NRDE2: variants seen among roughly 807,000 people sequenced by gnomAD.
NRDE2 encodes NRDE-2, necessary for RNA interference, domain containing, also known as nuclear exosome regulator NRDE2.
In NRDE2, 76 loss-of-function variants were observed where a neutral mutation model predicts 124.2. The observed-to-expected ratio is 0.61, with a 90% CI of 0.51 to 0.74. The LOEUF (loss-of-function observed/expected upper bound fraction) is 0.74, where lower values mean the gene tolerates loss of function less well. NRDE2 is among the 30% of genes least tolerant of loss of function. NRDE2 has a pLI of 0.00. For missense variants in NRDE2, 1,314 were observed against 1,417.3 expected (o/e 0.93, Z 1.17); for synonymous variants, 489 against 528.1 (o/e 0.93, Z 1.01).
intron 3 of NRDE2, among the ~76,000 whole-genome samples, chr14:90,316,217 AAAG>A (rs1401275171): frequency 4.6e-5 from 7 of 152,180 alleles, no homozygotes; most frequent in African/African-American, 1.2e-4. Flanking sequence ...CAAGGCAGAG[AAAG>A]AAGATGTTTC....
chr14:90,306,878 G>A (rs2139695028), intron 4 of NRDE2, among the ~76,000 whole-genome samples: 1 of 151,544 alleles, frequency 6.6e-6, no homozygotes, highest in Non-Finnish European at 1.5e-5. Context: ...CAAACTTTAA[G>A]TTAAAAAGCT....
chr14:90,289,279 A>G lies in NRDE2; in HGVS notation c.2230-134T>C, dbSNP rs191207596. On this transcript the variant is annotated intron_variant, in intron 10 of 13. Transcript: ENST00000354366. ...TTTATCACGGGTCTGGTAAACACTGAGGCTCTCTGAGCTGGAAAAGAAATA... is the reference window on the plus strand; with the variant it reads ...TTTATCACGGGTCTGGTAAACACTGGGGCTCTCTGAGCTGGAAAAGAAATA... 55 of 686,640 alleles carry G rather than the reference A, an allele frequency of 8.0e-5. 1 individual carries two copies. The East Asian group carries it at 1.3e-3, about 17-fold the overall frequency. 42.5% of individuals were successfully genotyped at this position (686,640 alleles called of 1,614,324 possible).
At position 90,308,115 on chromosome 14, in the gene NRDE2, T is replaced by C. The variant is rs538124917; in HGVS notation, c.558-3733A>G. 2.0e-5 allele frequency among the ~76,000 whole-genome samples: 3 copies of C among 152,318 alleles called. No individual in the cohort carries two copies. The South Asian group carries it at 6.2e-4, about 32-fold the overall frequency. On this transcript the variant is annotated intron_variant, in intron 4 of 13. Coordinates refer to ENST00000354366, the MANE Select transcript of NRDE2 (RefSeq NM_017970.4). Reference sequence around the variant, plus strand: ...GTAAGGGTTAGATAAGTTTAAATTATTATTTTTATCAAAGTTGGCTCCTAA... The same window carrying C: ...GTAAGGGTTAGATAAGTTTAAATTACTATTTTTATCAAAGTTGGCTCCTAA...
Position 90,290,303 on chromosome 14 carries a change from A to G in NRDE2, c.2147T>C (p.Val716Ala). The change falls in exon 10 of 14, where the codon GTC becomes GCC. Residue 716 changes from valine (V) to alanine (A), a missense_variant. Val to Ala is a moderately conservative substitution (Grantham distance 64). Coordinates refer to ENST00000354366, the MANE Select transcript of NRDE2 (RefSeq NM_017970.4). The part of the protein sequence containing the change: ...NREGEEFIRN[V>A]FHLVMPLFSG... Reference sequence around the variant, plus strand: ...AAATAAAGGCATGACAAGGTGGAAGACATTGCGGATGAACTCCTCGCCCTC... The same window carrying G: ...AAATAAAGGCATGACAAGGTGGAAGGCATTGCGGATGAACTCCTCGCCCTC... 2 of 1,614,118 alleles carry G rather than the reference A, an allele frequency of 1.2e-6. No individual in the cohort carries two copies. The highest frequency in any genetic ancestry group is 1.7e-6 in the Non-Finnish European group (2 of 1,180,038).
chr14:90,283,837 G>T (rs556345280), intron 12 of NRDE2, among the ~76,000 whole-genome samples: 1 of 150,990 alleles, frequency 6.6e-6, no homozygotes, highest in Non-Finnish European at 1.5e-5. Context: ...TCAGCCTCCC[G>T]AGTAGCTGGG....
intron 1 of NRDE2, among the ~76,000 whole-genome samples, chr14:90,322,876 G>C (rs1452712875): frequency 6.6e-6 from 1 of 152,188 alleles, no homozygotes; most frequent in Non-Finnish European, 1.5e-5. Flanking sequence ...TTACATACTT[G>C]ATAGATATAA....
Position 90,288,412 on chromosome 14 carries a change from G to A in NRDE2, c.2963C>T (p.Ser988Leu), listed in dbSNP as rs201095043. The A allele has an allele frequency of 1.3e-4, 209 of 1,614,056 alleles. No individual in the cohort carries two copies. The highest frequency in any genetic ancestry group is 1.6e-4 in the Non-Finnish European group (193 of 1,180,048). The change falls in exon 11 of 14, where the codon TCA (serine) becomes TTA (leucine). Residue 988 changes from serine (S) to leucine (L), a missense_variant. By Grantham distance (145) the Ser-to-Leu change is moderately radical. Transcript: ENST00000354366. ...YPLAPLREAL[S>L]QALKLYPGNQ... ...GCCTGGATACAACTTTAAAGCCTGT[G>A]AGAGTGCCTCTCGCAGAGGGGCCAG...
At chr14:90,330,777 C>G (rs1461874425) in intron 1 of NRDE2, among the ~76,000 whole-genome samples, 1 of 147,584 alleles carries the variant, frequency 6.8e-6, no homozygotes, top group Non-Finnish European at 1.5e-5. Flanking sequence ...CACTGTACTC[C>G]AGCCTGGGCA....
Position 90,316,690 on chromosome 14 carries a change from T to C in NRDE2, c.295A>G (p.Lys99Glu), listed in dbSNP as rs763565372. 2.5e-6 allele frequency: 4 copies of C among 1,614,076 alleles called. No homozygotes were observed. The highest frequency in any genetic ancestry group is 3.4e-6 in the Non-Finnish European group (4 of 1,180,034). The change falls in exon 3 of 14, where the codon AAG becomes GAG. Residue 99 changes from lysine to glutamate, a missense_variant. By Grantham distance (56) the Lys-to-Glu change is moderately conservative. Coordinates refer to ENST00000354366, the MANE Select transcript of NRDE2 (RefSeq NM_017970.4). ...KRKHQHHKKT[K>E]RKHGPSSSSR... ...CTACTCGACGGCCCATGCTTCCTCTTTGTTTTCTTATGATGCTGATGCTTC... is the reference window on the plus strand; with the variant it reads ...CTACTCGACGGCCCATGCTTCCTCTCTGTTTTCTTATGATGCTGATGCTTC...
chr14:90,326,581 G>A (rs1885449541), intron 1 of NRDE2, among the ~76,000 whole-genome samples: 2 of 152,060 alleles, frequency 1.3e-5, no homozygotes, highest in South Asian at 2.1e-4. Flanking sequence ...GGATACCATG[G>A]GCTAATGAAA....
intron 4 of NRDE2, among the ~76,000 whole-genome samples, chr14:90,304,865 T>C (rs529744199): frequency 6.6e-6 from 1 of 152,314 alleles, no homozygotes; most frequent in East Asian, 1.9e-4. Context: ...AGATAACATA[T>C]AGGCCTAAGA....
At chr14:90,330,216 A>T in intron 1 of NRDE2, among the ~76,000 whole-genome samples, 1 of 135,824 alleles carries the variant, frequency 7.4e-6, no homozygotes, top group South Asian at 2.4e-4. Context: ...CAAAAAAAAA[A>T]ATAAATAAAT....
At position 90,268,201 on chromosome 14, in the gene NRDE2, T is replaced by G. The variant is rs1294749315; in HGVS notation, c.*10135A>C. On this transcript the variant is annotated 3_prime_UTR_variant, in exon 14 of 14. Transcript: ENST00000354366. Reference sequence around the variant, plus strand: ...TGGCACTTAAGGTGTCTTTTTTTTTTTTATCTTTTTCATCCAAAATAGGTA... The same window carrying G: ...TGGCACTTAAGGTGTCTTTTTTTTTGTTATCTTTTTCATCCAAAATAGGTA... 6.5e-7 allele frequency: 1 copy of G among 1,544,904 alleles called. No homozygotes were observed. The highest frequency in any genetic ancestry group is 8.7e-7 in the Non-Finnish European group (1 of 1,152,138).
chr14:90,298,117 T>C, intron 8 of NRDE2, 143 bp downstream of exon 8: 2 of 872,302 alleles, frequency 2.3e-6, no homozygotes, highest in Non-Finnish European at 3.6e-6. Context: ...CCATGACATC[T>C]ACTTAACATT....
chr14:90,292,940 C>A (rs1277677540), intron 8 of NRDE2, 68 bp from the exon 9 acceptor site: 5 of 1,485,378 alleles, frequency 3.4e-6, no homozygotes, highest in Non-Finnish European at 4.6e-6. Context: ...AATCAGCCTG[C>A]TATGTCAGGG....
chr14:90,278,267 C>T lies in NRDE2; in HGVS notation c.*69G>A. On this transcript the variant is annotated 3_prime_UTR_variant, in exon 14 of 14. Transcript: ENST00000354366. Reference sequence around the variant, plus strand: ...GTTCTCCTAACACACACGTTCTCTGCTCGCGCCTCCTAGCTCCGCAGGGTG... The same window carrying T: ...GTTCTCCTAACACACACGTTCTCTGTTCGCGCCTCCTAGCTCCGCAGGGTG... 6.3e-7 allele frequency: 1 copy of T among 1,593,312 alleles called. No homozygotes were observed. The highest frequency in any genetic ancestry group is 2.2e-5 in the East Asian group (1 of 44,622).
chr14:90,272,531 G>C lies in NRDE2; in HGVS notation c.*5805C>G, dbSNP rs1025219293. ...GATTTTTATTAGCAAAACATCCTGT[G>C]TCTTTTGGAGTACGATGTGTAAGTG... is the stretch of plus-strand genomic sequence containing the variant. On this transcript the variant is annotated 3_prime_UTR_variant, in exon 14 of 14. Transcript: ENST00000354366. The surrounding 1 kb of genome is among the most constrained non-coding windows in gnomAD (Gnocchi z 4.5). 6.4e-6 allele frequency: 4 copies of C among 623,630 alleles called. No individual in the cohort carries two copies. Among genetic ancestry groups the C allele is most frequent in the Non-Finnish European group, 1.1e-5 (4 of 355,044 alleles). 38.6% of individuals were successfully genotyped at this position (623,630 alleles called of 1,614,324 possible).
intron 11 of NRDE2, 43 bp downstream of exon 11, chr14:90,288,174 A>G (rs1892159680): frequency 6.4e-7 from 1 of 1,560,890 alleles, no homozygotes; most frequent in African/African-American, 1.4e-5. Context: ...CAAGCATTCC[A>G]TAAACATTTG....
intron 1 of NRDE2, among the ~76,000 whole-genome samples, chr14:90,322,105 T>C (rs1172783539): frequency 6.6e-6 from 1 of 152,172 alleles, no homozygotes; most frequent in African/African-American, 2.4e-5. Context: ...AGGAGGCTGG[T>C]TCTCCTAAAG....
Sources: allele counts gnomAD v4.1 joint callset (sites outside exome capture counted in the v4.1 genomes callset), GRCh38; gene constraint gnomAD v4.1.1; non-coding constraint Gnocchi (gnomAD v3.1); transcripts MANE v1.5; gene names NCBI Gene and HGNC (gene_info 2026-07-23, HGNC 2026-07-21).